Variants in CDH13 observed in about 807,000 individuals in gnomAD.
CDH13 encodes cadherin 13, also known as cadherin-13.
In CDH13, 24 loss-of-function variants were observed where a neutral mutation model predicts 63.8. That is an observed-to-expected ratio of 0.38 (90% CI 0.27 to 0.53). The LOEUF (loss-of-function observed/expected upper bound fraction) is 0.53. CDH13 is among the 20% of genes least tolerant of loss of function. The probability of loss-of-function intolerance (pLI) is 0.85; values close to 1 mark genes in which losing one functional copy is unlikely to be tolerated. For missense variants in CDH13, 1,049 were observed against 903.1 expected (o/e 1.16, Z -2.07); for synonymous variants, 503 against 355.3 (o/e 1.42, Z -4.67).
intron 1 of CDH13, among the ~76,000 whole-genome samples, chr16:82,827,483 A>G (rs2038309028): frequency 6.6e-6 from 1 of 152,134 alleles, no homozygotes; most frequent in African/African-American, 2.4e-5. Context: ...TGAGGCAGTG[A>G]TGATGTGAGT....
chr16:82,828,519 C>T (rs1301818415), intron 1 of CDH13, among the ~76,000 whole-genome samples: 1 of 152,062 alleles, frequency 6.6e-6, no homozygotes. Context: ...CCCAGCTACT[C>T]AGGTGGCTGA....
chr16:83,163,964 G>A (rs1253020984), intron 4 of CDH13, among the ~76,000 whole-genome samples: 4 of 151,894 alleles, frequency 2.6e-5, no homozygotes, highest in Non-Finnish European at 4.4e-5. Flanking sequence ...AAACCTTACC[G>A]TGTGCTGAAC....
At chr16:83,679,254 C>T (rs1471610471) in intron 10 of CDH13, among the ~76,000 whole-genome samples, 1 of 152,184 alleles carries the variant, frequency 6.6e-6, no homozygotes, top group Non-Finnish European at 1.5e-5. Context: ...CTCGTTGGTA[C>T]ATGGTTTCAC....
In CDH13 at chr16:83,679,749, G is replaced by T. The variant is rs1023771016; in HGVS notation, c.1538+1288G>T. Among the ~76,000 whole-genome samples, 23 of 152,206 alleles carry T rather than the reference G, an allele frequency of 1.5e-4. 1 individual carries two copies. The highest frequency in any genetic ancestry group is 1.4e-3 in the Admixed American group (21 of 15,278). On this transcript the variant is annotated intron_variant, in intron 10 of 13. Transcript: ENST00000567109. ...CAGACTACAAGGTAGTTGGACAAAG[G>T]TAGGATGTCTCCAGGTGAGCTTAAG...
chr16:82,802,628 CT>C (rs2151162941), intron 1 of CDH13, among the ~76,000 whole-genome samples: 1 of 152,250 alleles, frequency 6.6e-6, no homozygotes, highest in South Asian at 2.1e-4. Flanking sequence ...TTTTCCTATT[CT>C]TTGTCTCCAA....
chr16:83,319,401 C>A (rs1273205159), intron 5 of CDH13, among the ~76,000 whole-genome samples: 2 of 152,164 alleles, frequency 1.3e-5, no homozygotes, highest in African/African-American at 2.4e-5. Flanking sequence ...TCATCAAAGC[C>A]AGAGACGGAA....
At chr16:82,804,696 C>A (rs770753605) in intron 1 of CDH13, among the ~76,000 whole-genome samples, 1 of 152,150 alleles carries the variant, frequency 6.6e-6, no homozygotes, top group African/African-American at 2.4e-5. Flanking sequence ...CCTTACCCTT[C>A]TTCCCTTGGT....
At chr16:83,596,268 C>T (rs191332588) in intron 7 of CDH13, among the ~76,000 whole-genome samples, 41 of 152,300 alleles carry the variant, frequency 2.7e-4, no homozygotes, top group Admixed American at 5.2e-4. Flanking sequence ...GAGAGAAGCA[C>T]AAGGGTGGTG....
intron 1 of CDH13, among the ~76,000 whole-genome samples, chr16:82,692,362 C>G (rs1348835521): frequency 6.6e-6 from 1 of 152,204 alleles, no homozygotes; most frequent in Non-Finnish European, 1.5e-5. Context: ...AATTGACTCA[C>G]AGTTCTGTAT....
rs551375084 is a variant in CDH13, at chr16:82,972,751, G to A, written c.158-59259G>A. On this transcript the variant is annotated intron_variant, in intron 2 of 13. Transcript: ENST00000567109. Reference sequence around the variant, plus strand: ...TTTGGGTATGATAACTGAACTGGTTGTCAAAGCAAGAATCAGCCTTGTGTT... The same window carrying A: ...TTTGGGTATGATAACTGAACTGGTTATCAAAGCAAGAATCAGCCTTGTGTT... Among the ~76,000 whole-genome samples the A allele has an allele frequency of 2.4e-4, 37 of 152,194 alleles. 1 individual carries two copies. The South Asian group carries it at 5.4e-3, about 22-fold the overall frequency.
At chr16:83,117,720 C>T (rs910118201) in intron 3 of CDH13, among the ~76,000 whole-genome samples, 3 of 152,178 alleles carry the variant, frequency 2.0e-5, no homozygotes, top group Non-Finnish European at 4.4e-5. Flanking sequence ...CTCGCTCCTT[C>T]TCACGTTCTT....
rs562150232 is a variant in CDH13, at chr16:82,666,593, C to T, written c.45+39456C>T. ...GAATCTGGGATGTCTGACATAACAA[C>T]AACTACTACTATTTTTTTGGCCATT... On this transcript the variant is annotated intron_variant, in intron 1 of 13. Transcript: ENST00000567109. 2.0e-5 allele frequency among the ~76,000 whole-genome samples: 3 copies of T among 152,300 alleles called. No individual in the cohort carries two copies. The East Asian group carries it at 5.8e-4, about 29-fold the overall frequency.
At chr16:83,114,518 C>G (rs1278056713) in intron 3 of CDH13, among the ~76,000 whole-genome samples, 5 of 152,200 alleles carry the variant, frequency 3.3e-5, no homozygotes, top group Non-Finnish European at 7.3e-5. Flanking sequence ...CTCACACCCC[C>G]TGCCATGAGA....
At chr16:83,222,545 A>G (rs1009965744) in intron 5 of CDH13, among the ~76,000 whole-genome samples, 1 of 152,222 alleles carries the variant, frequency 6.6e-6, no homozygotes, top group Non-Finnish European at 1.5e-5. Context: ...TTATGAACAA[A>G]TGATGCACAT....
chr16:82,661,453 A>G (rs1036130165), intron 1 of CDH13, among the ~76,000 whole-genome samples: 1 of 152,220 alleles, frequency 6.6e-6, no homozygotes, highest in African/African-American at 2.4e-5. Context: ...GTGCTGAGTA[A>G]AGAGGTTGCT....
intron 1 of CDH13, among the ~76,000 whole-genome samples, chr16:82,699,733 A>G (rs553033601): frequency 1.2e-3 from 178 of 152,264 alleles, no homozygotes; most frequent in Non-Finnish European, 2.0e-3. Flanking sequence ...CCCACCCACA[A>G]TCCAAACAGT....
At chr16:83,786,171 C>G (rs1281817495) in intron 13 of CDH13, among the ~76,000 whole-genome samples, 1 of 152,084 alleles carries the variant, frequency 6.6e-6, no homozygotes. Context: ...AAAATGTGAA[C>G]CAGACAGGAA....
chr16:83,303,587 G>C (rs369429865), intron 5 of CDH13, among the ~76,000 whole-genome samples: 1 of 152,124 alleles, frequency 6.6e-6, no homozygotes, highest in African/African-American at 2.4e-5. Context: ...TGAAGTTACA[G>C]GGAGGGGGTT....
chr16:82,766,307 T>C (rs1475130097), intron 1 of CDH13, among the ~76,000 whole-genome samples: 2 of 152,250 alleles, frequency 1.3e-5, no homozygotes, highest in East Asian at 1.9e-4. Context: ...GTAGCTGATA[T>C]ATTTAACACC....
Sources: gnomAD v4.1 joint callset for allele counts (sites outside exome capture counted in the v4.1 genomes callset) on GRCh38, gnomAD v4.1.1 for gene constraint, MANE v1.5 for transcripts, NCBI Gene and HGNC (gene_info 2026-07-23, HGNC 2026-07-21) for gene names.